The following SMG5 variants were observed in gnomAD, a reference collection of about 807,000 sequenced individuals.
The protein encoded by SMG5 is SMG5 nonsense mediated mRNA decay factor.
In SMG5, 53 loss-of-function variants were observed where a neutral mutation model predicts 122.9. That is an observed-to-expected ratio of 0.43 (90% confidence interval 0.35 to 0.54). The LOEUF (loss-of-function observed/expected upper bound fraction) is 0.54, where lower values mean the gene tolerates loss of function less well. SMG5 is among the 20% of genes least tolerant of loss of function. SMG5 has a pLI of 0.01. For synonymous variants in SMG5, 477 were observed against 490.2 expected (o/e 0.97, Z 0.35); for missense variants, 1,153 against 1,285.6 (o/e 0.90, Z 1.58).
upstream of SMG5, chr1:156,285,532 T>C: frequency 1.2e-6 from 2 of 1,614,178 alleles, no homozygotes; most frequent in South Asian, 1.1e-5. Flanking sequence ...CAGAGCCCCC[T>C]GAGTCAGAAC....
chr1:156,261,527 G>C (rs986718446), intron 13 of SMG5, 119 bp from the exon 14 acceptor site: 3 of 772,070 alleles, frequency 3.9e-6, no homozygotes, highest in Non-Finnish European at 6.4e-6. Context: ...GTGGGGGTTT[G>C]ATTTTAAAAT....
upstream of SMG5, chr1:156,285,537 CAG>C (rs1274222132): frequency 4.3e-6 from 7 of 1,614,212 alleles, no homozygotes; most frequent in Non-Finnish European, 5.9e-6. Context: ...CCCCCTGAGT[CAG>C]AACCACTTAC....
chr1:156,263,597 A>G, intron 12 of SMG5, 27 bp from the exon 13 acceptor site: 3 of 1,606,362 alleles, frequency 1.9e-6, no homozygotes, highest in African/African-American at 1.3e-5. Context: ...TGGAAGAGAA[A>G]AAAACTGGGA....
chr1:156,272,750 G>A (rs1374032733), intron 6 of SMG5, among the ~76,000 whole-genome samples: 1 of 151,972 alleles, frequency 6.6e-6, no homozygotes, highest in East Asian at 1.9e-4. Context: ...CTAATTTTTT[G>A]TATTTTTAGT....
chr1:156,253,693 A>G, intron 16 of SMG5, 185 bp from the exon 17 acceptor site: 1 of 631,278 alleles, frequency 1.6e-6, no homozygotes, highest in Non-Finnish European at 2.9e-6. Flanking sequence ...CACTCTGAAC[A>G]ACTTCCATTA....
chr1:156,261,890 CAAAAA>C (rs61569049), intron 13 of SMG5, among the ~76,000 whole-genome samples: 9 of 90,192 alleles, frequency 1.0e-4, no homozygotes, highest in Non-Finnish European at 1.4e-4. Context: ...AACTCCTTCT[CAAAAA>C]AAAAAAAAAA....
chr1:156,278,131 C>T (rs1662767453), intron 2 of SMG5, 83 bp from the exon 3 acceptor site: 3 of 1,526,878 alleles, frequency 2.0e-6, no homozygotes, highest in Non-Finnish European at 1.8e-6. Context: ...AGTCATGTGC[C>T]AACACCCCCA....
chr1:156,249,856 G>C lies in SMG5; in HGVS notation c.*731C>G, dbSNP rs537933871. The stretch of plus-strand genomic sequence containing the variant: ...GGCACAGGAGACCGTGCTGGCACAG[G>C]CCAGACTGCCTGCAGCCCTAGGTGG... On this transcript the variant is annotated 3_prime_UTR_variant, in exon 22 of 22. Transcript: ENST00000361813. 8.5e-6 allele frequency: 4 copies of C among 471,142 alleles called. No individual in the cohort carries two copies. The highest frequency in any genetic ancestry group is 8.8e-6 in the Non-Finnish European group (2 of 227,080). 29.2% of individuals were successfully genotyped at this position (471,142 alleles called of 1,614,324 possible). A position where few individuals can be genotyped will look rare whatever the true frequency, so the allele number is the denominator to read the frequency against.
At chr1:156,287,330 C>T (rs906638081), upstream of SMG5, among the ~76,000 whole-genome samples, 8 of 152,088 alleles carry the variant, frequency 5.3e-5, no homozygotes, top group Non-Finnish European at 8.8e-5. Context: ...GCAGGAGAAT[C>T]GCTTGAACCT....
At chr1:156,250,821 T>C in intron 21 of SMG5, 37 bp downstream of exon 21, 1 of 1,611,612 alleles carries the variant, frequency 6.2e-7, no homozygotes, top group Non-Finnish European at 8.5e-7. Context: ...ACCTCGTCCC[T>C]ATTCCACACC....
intron 17 of SMG5, 152 bp downstream of exon 17, chr1:156,253,297 G>A (rs150353721): frequency 2.2e-6 from 2 of 902,718 alleles, no homozygotes; most frequent in African/African-American, 1.6e-5. Flanking sequence ...GCTGAGTGAA[G>A]AGTGAGTAGT....
Position 156,278,015 on chromosome 1 carries a change from C to T in SMG5, c.207G>A (p.Leu69=). 1.2e-6 allele frequency: 2 copies of T among 1,614,118 alleles called. No individual in the cohort carries two copies. The highest frequency in any genetic ancestry group is 3.3e-5 in the Admixed American group (2 of 60,024). The stretch of plus-strand genomic sequence containing the variant: ...CCTTTCTCCCATAGTCCACTGGGTG[C>T]AGGAACATAAGCTTGACGCAGAGCT... ...LRELCVKLMF[L]HPVDYGRKAE... is the part of the protein sequence containing the mutation. The change falls in exon 3 of 22, where the codon CTG becomes CTA. Residue 69 remains leucine (L), a synonymous_variant. Transcript: ENST00000361813.
chr1:156,274,078 C>A (rs1019009638), intron 5 of SMG5, among the ~76,000 whole-genome samples: 2 of 152,126 alleles, frequency 1.3e-5, no homozygotes, highest in Admixed American at 1.3e-4. Flanking sequence ...ATAGTAGACC[C>A]AGGTCAGTAA....
At chr1:156,287,078 G>A (rs1178049808), upstream of SMG5, among the ~76,000 whole-genome samples, 2 of 151,972 alleles carry the variant, frequency 1.3e-5, no homozygotes, top group African/African-American at 2.4e-5. Context: ...ACACAAGATC[G>A]TGTCACTGTA....
Position 156,282,745 on chromosome 1 carries a change from TGCCGTCTCCGGCCGTAGCCGCAGCCGCC to T in SMG5, c.-93_-66del, listed in dbSNP as rs1234209506. ...TGCCACCCACCACTACCGCCAACAC[TGCCGTCTCCGGCCGTAGCCGCAGCCGCC>T]GCCGCCACCGGCCCTGCTCGGCCGC... is the stretch of plus-strand genomic sequence containing the variant. On this transcript the variant is annotated 5_prime_UTR_variant, in exon 1 of 22. The change creates a premature stop within an existing upstream ORF in the 5' untranslated region. Coordinates refer to ENST00000361813, the MANE Select transcript of SMG5 (RefSeq NM_015327.3). The T allele has an allele frequency of 2.4e-4, 358 of 1,503,490 alleles. No individual in the cohort carries two copies. Among genetic ancestry groups the T allele is most frequent in the East Asian group, 2.9e-4 (12 of 40,742 alleles). The allele number at this position is 1,503,490 out of a possible 1,614,324, so 93.1% of individuals were successfully genotyped here.
At chr1:156,255,375 C>A (rs1442497338) in intron 16 of SMG5, among the ~76,000 whole-genome samples, 1 of 151,268 alleles carries the variant, frequency 6.6e-6, no homozygotes. Flanking sequence ...CCCGTCTCTA[C>A]TAAAAATATA....
chr1:156,260,413 G>T, intron 15 of SMG5, 38 bp downstream of exon 15: 1 of 1,583,098 alleles, frequency 6.3e-7, no homozygotes, highest in South Asian at 1.2e-5. Context: ...GTTTGTGACT[G>T]ACAAACAGAG....
At chr1:156,264,700 G>T (rs1354271226) in intron 12 of SMG5, among the ~76,000 whole-genome samples, 2 of 152,138 alleles carry the variant, frequency 1.3e-5, no homozygotes, top group Admixed American at 6.6e-5. Flanking sequence ...GGGAGGAAAA[G>T]CACTTGCCAG....
chr1:156,277,698 G>A (rs994177135), intron 3 of SMG5, among the ~76,000 whole-genome samples: 1 of 152,038 alleles, frequency 6.6e-6, no homozygotes, highest in East Asian at 1.9e-4. Flanking sequence ...TTCTAGTAGA[G>A]ATGGGGTTTC....
Sources: allele counts gnomAD v4.1 joint callset (sites outside exome capture counted in the v4.1 genomes callset), GRCh38; gene constraint gnomAD v4.1.1; transcripts MANE v1.5; gene names NCBI Gene and HGNC (gene_info 2026-07-23, HGNC 2026-07-21).